Variants in POT1 observed in about 807,000 individuals in gnomAD.
The protein encoded by POT1 is protection of telomeres protein 1.
POT1 carries 47 observed loss-of-function variants against 78.5 expected under a neutral mutation model. That is an observed-to-expected ratio of 0.60 (90% CI 0.47 to 0.76). POT1 has a LOEUF of 0.76. Ranked by LOEUF, POT1 falls within the 30% of genes least tolerant of loss-of-function variation. The probability of loss-of-function intolerance (pLI) is 0.00; values close to 1 mark genes in which losing one functional copy is unlikely to be tolerated. For missense variants in POT1, 646 were observed against 749.9 expected, an observed-to-expected ratio of 0.86 and a Z score of 1.62; for synonymous variants, 259 against 260.7, an observed-to-expected ratio of 0.99 and a Z score of 0.06.
chr7:124,870,838 T>C, intron 7 of POT1, 73 bp downstream of exon 7: 3 of 1,253,248 alleles, frequency 2.4e-6, no homozygotes, highest in Non-Finnish European at 3.2e-6. Flanking sequence ...ATATAATTAG[T>C]GCTAACTAGT....
chr7:124,850,134 A>G (rs984298410), intron 11 of POT1, among the ~76,000 whole-genome samples: 1 of 152,252 alleles, frequency 6.6e-6, no homozygotes, highest in Non-Finnish European at 1.5e-5. Context: ...GTGATTTGTC[A>G]TCTGAACTAA....
At chr7:124,846,650 T>C (rs1412048395) in intron 12 of POT1, among the ~76,000 whole-genome samples, 1 of 149,828 alleles carries the variant, frequency 6.7e-6, no homozygotes, top group African/African-American at 2.5e-5. Context: ...CTAACAGAGA[T>C]ACATGACTTC....
intron 15 of POT1, among the ~76,000 whole-genome samples, chr7:124,834,659 G>C (rs149696763): frequency 0.019 from 2,846 of 152,294 alleles, 37 homozygotes; most frequent in Non-Finnish European, 0.028. Context: ...GTGTAAATTA[G>C]TTCAATCTTT....
intron 5 of POT1, among the ~76,000 whole-genome samples, chr7:124,895,289 G>A (rs1796465872): frequency 6.6e-6 from 1 of 151,438 alleles, no homozygotes. Flanking sequence ...AAGATAACTT[G>A]ATAGCATTAT....
At position 124,863,416 on chromosome 7, in the gene POT1, C is replaced by T. The variant is rs2116541535; in HGVS notation, c.480G>A (p.Gln160=). 2 of 1,613,964 alleles carry T rather than the reference C, an allele frequency of 1.2e-6. No homozygotes were observed. The highest frequency in any genetic ancestry group is 2.2e-5 in the South Asian group (2 of 91,074). The change falls in exon 8 of 19, where the codon CAG becomes CAA. Residue 160 remains glutamine (Q), a synonymous_variant. Transcript: ENST00000357628. ...LLKLCDVQPM[Q]YFDLTCQLLG... ...AGAGCTGACAAGTCAGGTCAAAATACTGCATTGGCTGAACATCACACAATT... is the reference window on the plus strand; with the variant it reads ...AGAGCTGACAAGTCAGGTCAAAATATTGCATTGGCTGAACATCACACAATT...
intron 7 of POT1, among the ~76,000 whole-genome samples, chr7:124,867,357 C>T (rs1298565572): frequency 6.6e-6 from 1 of 152,010 alleles, no homozygotes; most frequent in Non-Finnish European, 1.5e-5. Flanking sequence ...ACATTTAAAA[C>T]CCTCTAATGA....
chr7:124,904,455 C>T (rs372352142), intron 3 of POT1, among the ~76,000 whole-genome samples: 1 of 152,120 alleles, frequency 6.6e-6, no homozygotes, highest in Non-Finnish European at 1.5e-5. Context: ...GCCCTTCATG[C>T]TAAAAACTCT....
intron 7 of POT1, among the ~76,000 whole-genome samples, chr7:124,865,648 T>C (rs1037337257): frequency 6.6e-6 from 1 of 151,820 alleles, no homozygotes; most frequent in Non-Finnish European, 1.5e-5. Context: ...CATCTTCCTC[T>C]AATTCACTGA....
chr7:124,827,887 GC>G (rs1409936780), intron 16 of POT1, among the ~76,000 whole-genome samples: 10 of 152,068 alleles, frequency 6.6e-5, no homozygotes, highest in Admixed American at 3.9e-4. Flanking sequence ...AAAAAAAATA[GC>G]TAGGCTTGGT....
At chr7:124,903,636 A>C (rs968344091) in intron 3 of POT1, among the ~76,000 whole-genome samples, 2 of 152,104 alleles carry the variant, frequency 1.3e-5, no homozygotes, top group African/African-American at 2.4e-5. Context: ...AGAGCAAACA[A>C]ATTCAAAAGC....
Position 124,841,019 on chromosome 7 carries a change from A to AT in POT1, c.1322dup (p.Asn441LysfsTer2), listed in dbSNP as rs1358966427. 6.2e-7 allele frequency: 1 copy of AT among 1,611,858 alleles called. No homozygotes were observed. ...CATTTGAAAGCGGGAGAATACCATTATTTTTCACAAAATGAACTGCTACTT... is the reference window on the plus strand; with the variant it reads ...CATTTGAAAGCGGGAGAATACCATTATTTTTTCACAAAATGAACTGCTACTT... On this transcript the variant is annotated frameshift_variant, in exon 14 of 19. Coordinates refer to ENST00000357628, the MANE Select transcript of POT1 (RefSeq NM_015450.3). LOFTEE classifies it high-confidence loss of function.
At chr7:124,837,963 T>C (rs1794936039) in intron 14 of POT1, among the ~76,000 whole-genome samples, 1 of 152,120 alleles carries the variant, frequency 6.6e-6, no homozygotes, top group Admixed American at 6.6e-5. Context: ...ATGATCATAT[T>C]AATAGATGCA....
At chr7:124,831,600 A>AACGTGAC (rs1027679679) in intron 15 of POT1, among the ~76,000 whole-genome samples, 8 of 152,302 alleles carry the variant, frequency 5.3e-5, no homozygotes, top group Admixed American at 2.0e-4. Context: ...GAAAACATAT[A>AACGTGAC]ACGTGACTTC....
chr7:124,849,091 C>A lies in POT1; in HGVS notation c.950-2093G>T, dbSNP rs182682228. On this transcript the variant is annotated intron_variant, in intron 11 of 18. Transcript: ENST00000357628. ...ATAATTTATTTTATAAAGCATCATACACAAACATATCCTCAATATTGCTAA... is the reference window on the plus strand; with the variant it reads ...ATAATTTATTTTATAAAGCATCATAAACAAACATATCCTCAATATTGCTAA... 2.6e-5 allele frequency among the ~76,000 whole-genome samples: 4 copies of A among 152,202 alleles called. No individual in the cohort carries two copies. The East Asian group carries it at 7.7e-4, about 29-fold the overall frequency.
Position 124,823,989 on chromosome 7 carries a change from GT to G in POT1, c.1877del (p.Asp626AlafsTer8), listed in dbSNP as rs1794569297. The G allele has an allele frequency of 1.9e-6, 3 of 1,597,078 alleles. No individual in the cohort carries two copies. The highest frequency in any genetic ancestry group is 2.6e-6 in the Non-Finnish European group (3 of 1,165,938). On this transcript the variant is annotated frameshift_variant, in exon 19 of 19. Coordinates refer to ENST00000357628, the MANE Select transcript of POT1 (RefSeq NM_015450.3). LOFTEE classifies it high-confidence loss of function. ...AGATTACATCTTCTGCAACTGTGGTGTCAAAAATCTGATAGCAAATTTGATT... is the reference window on the plus strand; with the variant it reads ...AGATTACATCTTCTGCAACTGTGGTGCAAAAATCTGATAGCAAATTTGATT... ...TDNQICYQIF[D>X]TTVAEDVI
intron 11 of POT1, among the ~76,000 whole-genome samples, chr7:124,851,627 CATATG>C (rs1052089504): frequency 2.0e-5 from 3 of 152,176 alleles, no homozygotes; most frequent in African/African-American, 7.2e-5. Flanking sequence ...TGAATACACA[CATATG>C]ATATGTATAT....
chr7:124,850,471 T>C (rs1229791115), intron 11 of POT1, among the ~76,000 whole-genome samples: 1 of 152,232 alleles, frequency 6.6e-6, no homozygotes, highest in African/African-American at 2.4e-5. Flanking sequence ...CCTGTGCCTG[T>C]AATCCCAGCA....
chr7:124,874,048 T>G lies in POT1; in HGVS notation c.125-3007A>C, dbSNP rs371709832. On this transcript the variant is annotated intron_variant, in intron 6 of 18. Coordinates refer to ENST00000357628, the MANE Select transcript of POT1 (RefSeq NM_015450.3). ...ATGACTACCCATCCTTATTCTCCGC[T>G]TCCCTGAAAATGACTTCAGGCAGCA... Among the ~76,000 whole-genome samples, 223 of 152,330 alleles carry G rather than the reference T, an allele frequency of 1.5e-3. 1 individual carries two copies. The highest frequency in any genetic ancestry group is 5.1e-3 in the Admixed American group (78 of 15,304).
Position 124,827,202 on chromosome 7 carries a change from T to A in POT1, c.1686+12A>T. The A allele has an allele frequency of 7.1e-7, 1 of 1,407,130 alleles. No individual in the cohort carries two copies. The highest frequency in any genetic ancestry group is 9.7e-7 in the Non-Finnish European group (1 of 1,033,138). 87.2% of individuals were successfully genotyped at this position (1,407,130 alleles called of 1,614,324 possible). ...TTTAATTAAAAATATCTTTATTACC[T>A]CTGATACTTACAGAATCCATGAGAT... On this transcript the variant is annotated intron_variant, in intron 17 of 18. Coordinates refer to ENST00000357628, the MANE Select transcript of POT1 (RefSeq NM_015450.3).
Sources: allele counts gnomAD v4.1 joint callset (sites outside exome capture counted in the v4.1 genomes callset), GRCh38; gene constraint gnomAD v4.1.1; transcripts MANE v1.5; gene names NCBI Gene and HGNC (gene_info 2026-07-23, HGNC 2026-07-21).